The following ABTB3 variants were observed in gnomAD, a reference collection of about 807,000 sequenced individuals.
ABTB3 encodes ankyrin repeat- and BTB/POZ domain-containing protein 3.
chr12:107,657,368 TG>T, the ABTB3 span: 7 of 720,972 alleles, frequency 9.7e-6, no homozygotes, highest in Non-Finnish European at 1.7e-5. Flanking sequence ...TCATACCCCA[TG>T]GGTGTGTGCT....
chr12:107,564,092 G>C, the ABTB3 span, among the ~76,000 whole-genome samples: 9,889 of 78,288 alleles, frequency 0.13, 439 homozygotes, highest in Non-Finnish European at 0.16. Context: ...CTATCTCTCT[G>C]TGTGTGTGTG....
the ABTB3 span, chr12:107,650,341 A>T: frequency 6.6e-6 from 1 of 152,266 alleles, no homozygotes; most frequent in African/African-American, 2.4e-5. Context: ...CGCCAATAGG[A>T]CTATGTATTC....
the ABTB3 span, chr12:107,617,156 C>T: frequency 1.2e-6 from 2 of 1,614,194 alleles, no homozygotes; most frequent in South Asian, 1.1e-5. Flanking sequence ...TACTCGGAAA[C>T]ACCCCTCCAG....
chr12:107,627,917 C>G, the ABTB3 span, among the ~76,000 whole-genome samples: 4 of 152,210 alleles, frequency 2.6e-5, no homozygotes, highest in African/African-American at 4.8e-5. Context: ...AGTGGATACC[C>G]TACATCACTT....
At chr12:107,527,378 T>A in the ABTB3 span, among the ~76,000 whole-genome samples, 1 of 152,156 alleles carries the variant, frequency 6.6e-6, no homozygotes, top group Non-Finnish European at 1.5e-5. Context: ...TTCAAGCAAT[T>A]CTTGTGCCTC....
chr12:107,506,542 T>C, the ABTB3 span, among the ~76,000 whole-genome samples: 6 of 142,906 alleles, frequency 4.2e-5, no homozygotes, highest in African/African-American at 1.6e-4. Context: ...TTAATAACCA[T>C]GAAAAAAAAA....
chr12:107,643,326 C>G, the ABTB3 span, among the ~76,000 whole-genome samples: 4 of 147,934 alleles, frequency 2.7e-5, no homozygotes, highest in South Asian at 4.2e-4. Flanking sequence ...ATCACTTGAA[C>G]CTGAGATGTC....
the ABTB3 span, chr12:107,319,746 G>A: frequency 6.6e-7 from 1 of 1,524,380 alleles, no homozygotes; most frequent in Non-Finnish European, 8.8e-7. Context: ...TCAGGCTCGG[G>A]CTCCGGCCCA....
chr12:107,513,526 C>T, the ABTB3 span, among the ~76,000 whole-genome samples: 1 of 152,210 alleles, frequency 6.6e-6, no homozygotes. Context: ...TTCTCCTTTG[C>T]CTTCTGCCAT....
At chr12:107,581,078 G>A in the ABTB3 span, 12 of 1,545,394 alleles carry the variant, frequency 7.8e-6, no homozygotes, top group Non-Finnish European at 1.0e-5. Flanking sequence ...CGAGCAGGGG[G>A]TGGGGCCAAG....
chr12:107,355,552 C>G, the ABTB3 span, among the ~76,000 whole-genome samples: 1 of 152,186 alleles, frequency 6.6e-6, no homozygotes, highest in Non-Finnish European at 1.5e-5. Flanking sequence ...ACCCTCATCC[C>G]CCACCCTGCC....
chr12:107,428,429 A>G, the ABTB3 span, among the ~76,000 whole-genome samples: 5 of 152,120 alleles, frequency 3.3e-5, no homozygotes, highest in East Asian at 9.7e-4. Flanking sequence ...GGGAAGGCTC[A>G]AAGTATTGGG....
the ABTB3 span, among the ~76,000 whole-genome samples, chr12:107,425,601 G>A: frequency 6.6e-6 from 1 of 152,170 alleles, no homozygotes. Context: ...TCAAAGAATT[G>A]CTCCTTTTGT....
At chr12:107,568,164 G>C in the ABTB3 span, among the ~76,000 whole-genome samples, 1 of 152,156 alleles carries the variant, frequency 6.6e-6, no homozygotes, top group East Asian at 1.9e-4. Flanking sequence ...TCAAACCCTA[G>C]CTCTCCCCAA....
chr12:107,357,560 A>G, the ABTB3 span, among the ~76,000 whole-genome samples: 2 of 152,208 alleles, frequency 1.3e-5, no homozygotes, highest in Non-Finnish European at 2.9e-5. Context: ...GCTGTGAGCT[A>G]TGATCATGCC....
chr12:107,400,434 G>T, the ABTB3 span, among the ~76,000 whole-genome samples: 1 of 152,108 alleles, frequency 6.6e-6, no homozygotes, highest in Non-Finnish European at 1.5e-5. Flanking sequence ...ATATACAGGT[G>T]GGTTTGAGAA....
the ABTB3 span, among the ~76,000 whole-genome samples, chr12:107,596,677 G>A: frequency 6.6e-6 from 1 of 152,106 alleles, no homozygotes; most frequent in Non-Finnish European, 1.5e-5. Context: ...CACAGAGCAT[G>A]AGTCTTGGGA....
chr12:107,620,460 C>A, the ABTB3 span, among the ~76,000 whole-genome samples: 2 of 148,666 alleles, frequency 1.3e-5, no homozygotes, highest in South Asian at 4.4e-4. Flanking sequence ...TGTGCCCCAA[C>A]AGCATTATGA....
At chr12:107,513,169 C>T in the ABTB3 span, among the ~76,000 whole-genome samples, 1 of 152,178 alleles carries the variant, frequency 6.6e-6, no homozygotes, top group Non-Finnish European at 1.5e-5. Context: ...TAAAAGTTGG[C>T]TGTTCTCCTC....
Sources: gnomAD v4.1 joint callset for allele counts (sites outside exome capture counted in the v4.1 genomes callset) on GRCh38, gnomAD v4.1.1 for gene constraint, MANE v1.5 for transcripts, NCBI Gene and HGNC (gene_info 2026-07-23, HGNC 2026-07-21) for gene names.